The following FRMPD3 variants were observed in gnomAD, a reference collection of about 807,000 sequenced individuals.
The protein encoded by FRMPD3 is FERM and PDZ domain containing 3.
A neutral mutation model predicts 97.9 loss-of-function variants in FRMPD3; 42 were observed. The observed-to-expected ratio is 0.43, with a 90% CI of 0.34 to 0.55. The LOEUF (loss-of-function observed/expected upper bound fraction) is 0.55, where lower values mean the gene tolerates loss of function less well. Ranked by LOEUF, FRMPD3 falls within the 20% of genes least tolerant of loss-of-function variation. The probability of loss-of-function intolerance (pLI) is 0.03; values close to 1 mark genes in which losing one functional copy is unlikely to be tolerated. For missense variants in FRMPD3, 1,303 were observed against 1,457.7 expected (o/e 0.89, Z 1.73); for synonymous variants, 577 against 581.1 (o/e 0.99, Z 0.10).
At chrX:107,551,312 G>A (rs903945808) in intron 6 of FRMPD3, among the ~76,000 whole-genome samples, 1 of 111,084 alleles carries the variant, frequency 9.0e-6, no homozygotes, top group Non-Finnish European at 1.9e-5. Flanking sequence ...GCTATTGAAG[G>A]GGGCATGGGA....
chrX:107,476,050 A>C (rs976467471), intron 1 of FRMPD3, among the ~76,000 whole-genome samples: 2 of 111,062 alleles, frequency 1.8e-5, no homozygotes, highest in African/African-American at 6.6e-5. Context: ...GGCCTGGCTA[A>C]TTTTTTGCAT....
At chrX:107,560,437 C>T (rs375839268) in intron 9 of FRMPD3, 44 bp downstream of exon 9, 27 of 1,192,015 alleles carry the variant, frequency 2.3e-5, no homozygotes, top group African/African-American at 2.0e-4. Flanking sequence ...CGAATAGTTG[C>T]GTAGGGAAAA....
At chrX:107,595,222 C>T (rs1049085137) in intron 13 of FRMPD3, among the ~76,000 whole-genome samples, 1 of 109,559 alleles carries the variant, frequency 9.1e-6, no homozygotes, top group Non-Finnish European at 1.9e-5. Context: ...GAGGCTGAGG[C>T]GGGAGGATCA....
rs775621221 is a variant in FRMPD3 at position 107,485,083 on chromosome X, T to C, written c.-8+35078T>C. Among the ~76,000 whole-genome samples, 14 of 112,782 alleles carry C rather than the reference T, an allele frequency of 1.2e-4. No individual in the cohort carries two copies. The South Asian group carries it at 4.8e-3, about 39-fold the overall frequency. ...TGTATCAGAAATGTCTGTTTCCTGG[T>C]TCTTCTGAACTCTCTTGGAAAGAAC... On this transcript the variant is annotated intron_variant, in intron 1 of 14. Coordinates refer to ENST00000683843, the MANE Select transcript of FRMPD3 (RefSeq NM_001388459.1).
At chrX:107,549,396 T>C (rs918281973) in intron 5 of FRMPD3, among the ~76,000 whole-genome samples, 2 of 111,917 alleles carry the variant, frequency 1.8e-5, no homozygotes, top group Non-Finnish European at 3.8e-5. Flanking sequence ...GGTGTGCTAC[T>C]GGCACTTCAT....
intron 8 of FRMPD3, among the ~76,000 whole-genome samples, chrX:107,558,551 C>T (rs1383012758): frequency 9.0e-6 from 1 of 111,526 alleles, no homozygotes; most frequent in South Asian, 3.7e-4. Context: ...AAACTCACTA[C>T]ATTTGGCCCT....
At chrX:107,485,824 TG>T (rs1355970180) in intron 1 of FRMPD3, among the ~76,000 whole-genome samples, 1 of 111,758 alleles carries the variant, frequency 8.9e-6, no homozygotes, top group East Asian at 2.8e-4. Context: ...TGGTCCTTTT[TG>T]CTTGGTCCCA....
At position 107,452,525 on chromosome X, in the gene FRMPD3, G is replaced by C. The variant is rs1448477213; in HGVS notation, c.-8+2520G>C. Among the ~76,000 whole-genome samples the C allele has an allele frequency of 2.7e-5, 3 of 112,038 alleles. No homozygotes were observed. The Admixed American group carries it at 2.8e-4, about 11-fold the overall frequency. Reference sequence around the variant, plus strand: ...GGGTGGCAGCTGCCCCAGGCTTCTGGCCCTGAGGGTTTCCCAGATATGTGA... The same window carrying C: ...GGGTGGCAGCTGCCCCAGGCTTCTGCCCCTGAGGGTTTCCCAGATATGTGA... On this transcript the variant is annotated intron_variant, in intron 1 of 14. Transcript: ENST00000683843.
intron 1 of FRMPD3, among the ~76,000 whole-genome samples, chrX:107,503,954 G>T (rs772737808): frequency 2.1e-4 from 24 of 112,633 alleles, no homozygotes; most frequent in African/African-American, 7.4e-4. Flanking sequence ...CCAGGAGACC[G>T]CACAGTGACC....
At chrX:107,550,299 AGGCTGC>A in intron 6 of FRMPD3, 143 bp downstream of exon 6, 1 of 456,813 alleles carries the variant, frequency 2.2e-6, no homozygotes, top group Admixed American at 3.6e-5. Flanking sequence ...TGTTAGCACA[AGGCTGC>A]AAAAATGCAC....
At chrX:107,514,320 G>A (rs181915881) in intron 1 of FRMPD3, among the ~76,000 whole-genome samples, 1 of 111,052 alleles carries the variant, frequency 9.0e-6, no homozygotes, top group Non-Finnish European at 1.9e-5. Context: ...GTTTTAAGCG[G>A]GGGAGTGACA....
chrX:107,538,121 C>T (rs1921084830), intron 4 of FRMPD3, among the ~76,000 whole-genome samples: 1 of 111,796 alleles, frequency 8.9e-6, no homozygotes, highest in Non-Finnish European at 1.9e-5. Context: ...AGTCACTTAA[C>T]ACTTTTGAAC....
chrX:107,532,705 T>C (rs1164761249), intron 3 of FRMPD3, among the ~76,000 whole-genome samples: 1 of 112,540 alleles, frequency 8.9e-6, no homozygotes, highest in Non-Finnish European at 1.9e-5. Context: ...ATTTCTTGAA[T>C]ATCCAGAATC....
At chrX:107,595,617 C>A (rs752458040) in intron 13 of FRMPD3, among the ~76,000 whole-genome samples, 36 of 111,110 alleles carry the variant, frequency 3.2e-4, no homozygotes, top group African/African-American at 1.0e-3. Context: ...TGTTGATATT[C>A]TGCTTAGTTG....
chrX:107,550,261 G>C lies in FRMPD3; in HGVS notation c.510+105G>C, dbSNP rs1921808829. The C allele has an allele frequency of 1.4e-5, 8 of 557,452 alleles. No homozygotes were observed. The East Asian group carries it at 2.9e-4, about 20-fold the overall frequency. The allele number at this position is 557,452 out of a possible 1,213,427, so 45.9% of individuals were successfully genotyped here. A position where few individuals can be genotyped will look rare whatever the true frequency, so the allele number is the denominator to read the frequency against. On this transcript the variant is annotated intron_variant, in intron 6 of 14. Transcript: ENST00000683843. ...CTGCACATAGCTGCTTGCCACTGGAGTAAGGTGGCCTTTAAGCTCTGGATG... is the reference window on the plus strand; with the variant it reads ...CTGCACATAGCTGCTTGCCACTGGACTAAGGTGGCCTTTAAGCTCTGGATG...
intron 1 of FRMPD3, among the ~76,000 whole-genome samples, chrX:107,513,513 C>T (rs1049905955): frequency 8.9e-6 from 1 of 111,813 alleles, no homozygotes; most frequent in Admixed American, 9.5e-5. Flanking sequence ...TGTTGGATTT[C>T]CCACTGTCAC....
chrX:107,600,997 G>A lies in FRMPD3; in HGVS notation c.2958G>A (p.Arg986=). The change falls in exon 15 of 15, where the codon AGG becomes AGA. Residue 986 remains arginine, a synonymous_variant. Transcript: ENST00000683843. ...LGNPPSRGER[R]LEASMGRPEV... ...ACCCCCCCAGCAGGGGTGAGAGAAG[G>A]CTGGAGGCCAGCATGGGGAGGCCAG... 8.3e-7 allele frequency: 1 copy of A among 1,207,446 alleles called. No individual in the cohort carries two copies. The highest frequency in any genetic ancestry group is 1.8e-5 in the South Asian group (1 of 56,230).
intron 1 of FRMPD3, among the ~76,000 whole-genome samples, chrX:107,453,109 G>A (rs1256994674): frequency 9.0e-6 from 1 of 111,584 alleles, no homozygotes; most frequent in African/African-American, 3.3e-5. Context: ...GCACTTGGAG[G>A]GGCAGCACCA....
chrX:107,597,899 C>G lies in FRMPD3; in HGVS notation c.2020C>G (p.Arg674Gly), dbSNP rs772748199. 3.4e-5 allele frequency: 41 copies of G among 1,207,708 alleles called. No homozygotes were observed. Among genetic ancestry groups the G allele is most frequent in the Admixed American group, 8.8e-5 (4 of 45,547 alleles). Residue 674 changes from arginine to glycine, a missense_variant, in exon 14 of 15, where the codon CGA (arginine) becomes GGA (glycine). By Grantham distance (125) the Arg-to-Gly change is moderately radical (BLOSUM62 -2). Coordinates refer to ENST00000683843, the MANE Select transcript of FRMPD3 (RefSeq NM_001388459.1). ...CATTGCTGCCCCACCCCCTGGTTTC[C>G]GAGACAACAGCTCTGATGAGGATGA... Reference protein sequence around the residue: ...PAIAAPPPGFRDNSSDEDDPK... With the variant: ...PAIAAPPPGFGDNSSDEDDPK...
Sources: allele counts gnomAD v4.1 joint callset (sites outside exome capture counted in the v4.1 genomes callset), GRCh38; gene constraint gnomAD v4.1.1; transcripts MANE v1.5; gene names NCBI Gene and HGNC (gene_info 2026-07-23, HGNC 2026-07-21).